The following LRRIQ1 variants were observed in gnomAD, a reference collection of about 807,000 sequenced individuals.
LRRIQ1 encodes the protein leucine-rich repeat- and IQ domain-containing protein 1.
Under a neutral mutation model 211.9 loss-of-function variants are expected in LRRIQ1, and 210 were observed. That is an observed-to-expected ratio of 0.99 (90% CI 0.89 to 1.11). The LOEUF (loss-of-function observed/expected upper bound fraction) is 1.11, where lower values mean the gene tolerates loss of function less well. Ranked by LOEUF, LRRIQ1 falls within the 50% of genes most tolerant of loss-of-function variation. The pLI is 0.00. For missense variants in LRRIQ1, 2,136 were observed against 1,939.5 expected (o/e 1.10, Z -1.90); for synonymous variants, 699 against 650.1 (o/e 1.08, Z -1.14).
At chr12:85,188,347 G>A (rs1004710179) in intron 24 of LRRIQ1, among the ~76,000 whole-genome samples, 1 of 152,080 alleles carries the variant, frequency 6.6e-6, no homozygotes, top group Non-Finnish European at 1.5e-5. Flanking sequence ...ATTACAAGAT[G>A]TACATCTTAT....
intron 24 of LRRIQ1, among the ~76,000 whole-genome samples, chr12:85,198,074 A>T (rs912590210): frequency 3.7e-5 from 4 of 107,058 alleles, no homozygotes; most frequent in Non-Finnish European, 5.2e-5. Flanking sequence ...CATATTATTT[A>T]TATATAATTT....
intron 10 of LRRIQ1, among the ~76,000 whole-genome samples, chr12:85,068,617 A>G (rs1291883623): frequency 6.6e-6 from 1 of 151,848 alleles, no homozygotes; most frequent in East Asian, 1.9e-4. Flanking sequence ...CCATTGCATT[A>G]TAACACCTAA....
intron 19 of LRRIQ1, among the ~76,000 whole-genome samples, chr12:85,142,757 T>A (rs1448195228): frequency 6.6e-6 from 1 of 151,638 alleles, no homozygotes; most frequent in Non-Finnish European, 1.5e-5. Flanking sequence ...TCACTTAACA[T>A]AATATCCTCT....
chr12:85,238,382 C>T (rs984306016), intron 26 of LRRIQ1, among the ~76,000 whole-genome samples: 7 of 151,720 alleles, frequency 4.6e-5, no homozygotes, highest in African/African-American at 7.3e-5. Flanking sequence ...ATGAGAAATA[C>T]GAGAAAACAG....
At position 85,065,196 on chromosome 12, in the gene LRRIQ1, C is replaced by A. The variant is rs1882300323; in HGVS notation, c.2392-66C>A. On this transcript the variant is annotated intron_variant, in intron 8 of 26. Coordinates refer to ENST00000393217, the MANE Select transcript of LRRIQ1 (RefSeq NM_001079910.2). The stretch of plus-strand genomic sequence containing the variant: ...GAATTTTCTAAACAGTTTTGTAAGG[C>A]TAATATTGTTTATATTCAGTTTTGT... The A allele has an allele frequency of 3.0e-6, 4 of 1,320,448 alleles. No homozygotes were observed. In the African/African-American group the frequency reaches 4.5e-5, roughly 15 times the overall value. 81.8% of individuals were successfully genotyped at this position (1,320,448 alleles called of 1,614,324 possible).
At chr12:85,040,443 T>C in intron 2 of LRRIQ1, 47 bp from the exon 3 acceptor site, 1 of 1,187,574 alleles carries the variant, frequency 8.4e-7, no homozygotes, top group Non-Finnish European at 1.2e-6. Context: ...ACACATAATT[T>C]TGATAATAAA....
intron 15 of LRRIQ1, among the ~76,000 whole-genome samples, chr12:85,114,370 A>G (rs1213326087): frequency 6.6e-6 from 1 of 152,178 alleles, no homozygotes; most frequent in East Asian, 1.9e-4. Context: ...TTGAGCAAAA[A>G]TGACATGAAT....
chr12:85,244,034 C>T (rs1228438366), intron 26 of LRRIQ1, among the ~76,000 whole-genome samples: 1 of 151,586 alleles, frequency 6.6e-6, no homozygotes, highest in Non-Finnish European at 1.5e-5. Flanking sequence ...TGCTTTCCCT[C>T]ATGGCATTTC....
intron 19 of LRRIQ1, among the ~76,000 whole-genome samples, chr12:85,141,876 A>G (rs966759746): frequency 1.3e-5 from 2 of 148,868 alleles, no homozygotes; most frequent in African/African-American, 2.5e-5. Flanking sequence ...TTGTTTTTCT[A>G]TTTTTCCCTT....
chr12:85,228,383 A>G (rs553234893), intron 24 of LRRIQ1, among the ~76,000 whole-genome samples: 1 of 152,312 alleles, frequency 6.6e-6, no homozygotes, highest in South Asian at 2.1e-4. Context: ...CCTCATGTGA[A>G]GTAAGTGTTC....
intron 15 of LRRIQ1, among the ~76,000 whole-genome samples, chr12:85,107,230 T>G (rs1274867350): frequency 1.3e-5 from 2 of 152,180 alleles, no homozygotes; most frequent in Admixed American, 6.5e-5. Flanking sequence ...AAATTAGCTA[T>G]TTTGTGATAA....
chr12:85,088,524 A>C (rs1237438129), intron 11 of LRRIQ1, among the ~76,000 whole-genome samples: 2 of 152,128 alleles, frequency 1.3e-5, no homozygotes, highest in Admixed American at 6.5e-5. Context: ...TGAATCTATA[A>C]ATTACCTTGG....
At chr12:85,042,968 G>T (rs993459353) in intron 3 of LRRIQ1, among the ~76,000 whole-genome samples, 2 of 152,060 alleles carry the variant, frequency 1.3e-5, no homozygotes, top group Non-Finnish European at 2.9e-5. Flanking sequence ...AGACACTCTA[G>T]CTACTTTAGG....
chr12:85,066,787 A>G lies in LRRIQ1; in HGVS notation c.2584A>G (p.Asn862Asp), dbSNP rs140202421. 4 of 1,598,240 alleles carry G rather than the reference A, an allele frequency of 2.5e-6. No homozygotes were observed. Among genetic ancestry groups the G allele is most frequent in the African/African-American group, 1.3e-5 (1 of 74,208 alleles). ...IEAIECENLE[N>D]LCVVLLNKNQ... ...GGCTATTGAGTGTGAAAATTTGGAA[A>G]ATCTCTGTGTTGTTCTTCTTAATAA... Residue 862 changes from asparagine (N) to aspartate (D), a missense_variant, in exon 10 of 27, where the codon AAT becomes GAT. Physicochemically the swap from Asn to Asp is conservative, Grantham distance 23. Coordinates refer to ENST00000393217, the MANE Select transcript of LRRIQ1 (RefSeq NM_001079910.2).
At position 85,056,273 on chromosome 12, in the gene LRRIQ1, G is replaced by A. The variant is rs1881053290; in HGVS notation, c.1480G>A (p.Glu494Lys). ...AAACCTAGCAAAAAAACGATGTTCAGAAGAATTGGTCAAGCAAGAAAGAAA... is the reference window on the plus strand; with the variant it reads ...AAACCTAGCAAAAAAACGATGTTCAAAAGAATTGGTCAAGCAAGAAAGAAA... ...NENLAKKRCS[E>K]ELVKQERKYE... Residue 494 changes from glutamate (E) to lysine (K), a missense_variant, in exon 8 of 27, where the codon GAA becomes AAA. Physicochemically the swap from Glu to Lys is moderately conservative, Grantham distance 56. Coordinates refer to ENST00000393217, the MANE Select transcript of LRRIQ1 (RefSeq NM_001079910.2). The A allele has an allele frequency of 6.3e-7, 1 of 1,580,206 alleles. No individual in the cohort carries two copies. Among genetic ancestry groups the A allele is most frequent in the Non-Finnish European group, 8.5e-7 (1 of 1,171,456 alleles).
At chr12:85,137,700 T>G (rs1008422452) in intron 18 of LRRIQ1, 150 bp from the exon 19 acceptor site, 3 of 581,912 alleles carry the variant, frequency 5.2e-6, no homozygotes, top group Admixed American at 7.0e-5. Flanking sequence ...TATCTTTCAG[T>G]TTTAAGTGTC....
chr12:85,097,579 G>A (rs1885999348), intron 11 of LRRIQ1, among the ~76,000 whole-genome samples: 1 of 152,022 alleles, frequency 6.6e-6, no homozygotes, highest in South Asian at 2.1e-4. Context: ...CCCTACAAAG[G>A]ACATGAACTC....
At chr12:85,093,301 G>A (rs1025897727) in intron 11 of LRRIQ1, among the ~76,000 whole-genome samples, 1 of 152,200 alleles carries the variant, frequency 6.6e-6, no homozygotes, top group South Asian at 2.1e-4. Flanking sequence ...TCAGGTCAAA[G>A]AGGTTGCTTC....
At chr12:85,047,614 A>T in intron 6 of LRRIQ1, 144 bp downstream of exon 6, 1 of 653,804 alleles carries the variant, frequency 1.5e-6, no homozygotes, top group Non-Finnish European at 2.6e-6. Flanking sequence ...CTGTGAATTA[A>T]CAGTATTTAA....
Sources: allele counts gnomAD v4.1 joint callset (sites outside exome capture counted in the v4.1 genomes callset), GRCh38; gene constraint gnomAD v4.1.1; transcripts MANE v1.5; gene names NCBI Gene and HGNC (gene_info 2026-07-23, HGNC 2026-07-21).